Variants in MAP3K7CL observed in about 807,000 individuals in gnomAD.
MAP3K7CL encodes MAP3K7 C-terminal like.
In MAP3K7CL, 16 loss-of-function variants were observed where a neutral mutation model predicts 18.6. That is an observed-to-expected ratio of 0.86 (90% CI 0.58 to 1.31). MAP3K7CL has a LOEUF of 1.31. MAP3K7CL is among the 50% of genes most tolerant of loss of function. The pLI is 0.00. For missense variants in MAP3K7CL, 163 were observed against 174.4 expected, an observed-to-expected ratio of 0.93 and a Z score of 0.37; for synonymous variants, 65 against 66.8, an observed-to-expected ratio of 0.97 and a Z score of 0.13.
intron 2 of MAP3K7CL, among the ~76,000 whole-genome samples, chr21:29,147,689 T>A: frequency 6.6e-6 from 1 of 151,854 alleles, no homozygotes; most frequent in East Asian, 1.9e-4. Context: ...TGTATATGTA[T>A]GTGTATGTGT....
At chr21:29,147,813 G>GT (rs2146681058) in intron 2 of MAP3K7CL, among the ~76,000 whole-genome samples, 1 of 151,032 alleles carries the variant, frequency 6.6e-6, no homozygotes, top group South Asian at 2.1e-4. Flanking sequence ...TATGTGTACT[G>GT]TATAAACCTA....
At chr21:29,097,272 G>A (rs1344652736) in intron 4 of MAP3K7CL, among the ~76,000 whole-genome samples, 1 of 152,102 alleles carries the variant, frequency 6.6e-6, no homozygotes, top group Non-Finnish European at 1.5e-5. Flanking sequence ...CCTAACTGCA[G>A]CATAGATGGT....
chr21:29,090,518 C>T (rs879647201), intron 1 of MAP3K7CL, among the ~76,000 whole-genome samples: 3 of 151,974 alleles, frequency 2.0e-5, no homozygotes, highest in Non-Finnish European at 4.4e-5. Flanking sequence ...GTAGCTGGGA[C>T]TACAGGCACC....
rs1221095999 is a variant in MAP3K7CL, at chr21:29,102,792, TC to T, written c.370+10212del. ...ATGCCTCATGGCTTCTTTCTTATTC[TC>T]TCTTGGATTATGGACTCTGGGGGAA... is the stretch of plus-strand genomic sequence containing the variant. On this transcript the variant is annotated intron_variant, in intron 4 of 6. Transcript: ENST00000286791. Among the ~76,000 whole-genome samples the T allele has an allele frequency of 2.6e-5, 4 of 152,302 alleles. No individual in the cohort carries two copies. The East Asian group carries it at 5.8e-4, about 22-fold the overall frequency.
chr21:29,112,724 T>C (rs186171324), intron 4 of MAP3K7CL, among the ~76,000 whole-genome samples: 1 of 152,302 alleles, frequency 6.6e-6, no homozygotes, highest in African/African-American at 2.4e-5. Flanking sequence ...ATTTCCCTAA[T>C]CCAGATGTCT....
Position 29,130,701 on chromosome 21 carries a change from CGGAAGGGAAGGGAAGG to C in MAP3K7CL, c.-260_-245del. 1.0e-6 allele frequency: 1 copy of C among 985,428 alleles called. No homozygotes were observed. The allele number at this position is 985,428 out of a possible 1,614,324, so 61.0% of individuals were successfully genotyped here. ...AGGAGAGAGGGGTTGTGAAGGGAAG[CGGAAGGGAAGGGAAGG>C]GAGGTCCCGTGGGACGCTGGGGTCT... is the stretch of plus-strand genomic sequence containing the variant. On this transcript the variant is annotated 5_prime_UTR_variant, in exon 1 of 5. Transcript: ENST00000399928.
At chr21:29,160,278 TA>T (rs1474943707) in intron 4 of MAP3K7CL, among the ~76,000 whole-genome samples, 1 of 152,220 alleles carries the variant, frequency 6.6e-6, no homozygotes, top group East Asian at 1.9e-4. Context: ...TAAGACATTT[TA>T]GTTCATGAAA....
At chr21:29,167,679 C>T (rs978828761) in intron 4 of MAP3K7CL, among the ~76,000 whole-genome samples, 16 of 148,198 alleles carry the variant, frequency 1.1e-4, no homozygotes, top group African/African-American at 3.5e-4. Context: ...CCAAGATCAA[C>T]CAGAGAAGGA....
chr21:29,149,305 C>A, intron 3 of MAP3K7CL, 55 bp downstream of exon 3: 5 of 1,520,894 alleles, frequency 3.3e-6, no homozygotes, highest in Admixed American at 3.3e-5. Context: ...TAAAGTATAG[C>A]GAGCTGGGCA....
intron 3 of MAP3K7CL, 27 bp downstream of exon 3, chr21:29,149,277 C>T (rs1325512961): frequency 6.3e-7 from 1 of 1,599,408 alleles, no homozygotes; most frequent in Non-Finnish European, 8.6e-7. Flanking sequence ...AGTCTCTCTT[C>T]TTTCCTCCTT....
chr21:29,080,115 A>G (rs1242562185), intron 1 of MAP3K7CL, among the ~76,000 whole-genome samples: 1 of 152,222 alleles, frequency 6.6e-6, no homozygotes, highest in African/African-American at 2.4e-5. Context: ...TTGAGCCTTT[A>G]TGAATCAACT....
At chr21:29,174,540 A>G (rs983219299) in intron 4 of MAP3K7CL, among the ~76,000 whole-genome samples, 172 bp from the exon 5 acceptor site, 3 of 152,212 alleles carry the variant, frequency 2.0e-5, no homozygotes, top group African/African-American at 7.2e-5. Flanking sequence ...GAATAAAGGG[A>G]TATAAAATTT....
intron 4 of MAP3K7CL, among the ~76,000 whole-genome samples, chr21:29,116,824 T>C (rs2086512183): frequency 6.6e-6 from 1 of 152,166 alleles, no homozygotes; most frequent in African/African-American, 2.4e-5. Context: ...GAATCAGCTA[T>C]AGTTAGTCCA....
chr21:29,158,917 C>CTTTTTTTTT (rs36003464), intron 3 of MAP3K7CL, among the ~76,000 whole-genome samples: 1 of 100,438 alleles, frequency 1.0e-5, no homozygotes, highest in Non-Finnish European at 1.9e-5. Context: ...AAAAGTAGTA[C>CTTTTTTTTT]TTTTTTTTTT....
At chr21:29,097,871 T>C (rs1470825266) in intron 4 of MAP3K7CL, among the ~76,000 whole-genome samples, 4 of 152,114 alleles carry the variant, frequency 2.6e-5, no homozygotes, top group Admixed American at 1.3e-4. Context: ...ACAGTTAAGG[T>C]TGGACAACAT....
intron 2 of MAP3K7CL, among the ~76,000 whole-genome samples, chr21:29,136,229 A>G (rs1435779500): frequency 6.6e-6 from 1 of 152,196 alleles, no homozygotes; most frequent in Admixed American, 6.5e-5. Flanking sequence ...TATTTGGGAC[A>G]CTCCCTTTAA....
upstream of MAP3K7CL, among the ~76,000 whole-genome samples, chr21:29,081,774 T>C (rs922140517): frequency 6.6e-6 from 1 of 152,242 alleles, no homozygotes; most frequent in Non-Finnish European, 1.5e-5. Context: ...CATTGTTTTA[T>C]GCAAGAAGCA....
chr21:29,123,064 T>A (rs942069243), intron 4 of MAP3K7CL, among the ~76,000 whole-genome samples: 5 of 144,996 alleles, frequency 3.4e-5, no homozygotes, highest in Non-Finnish European at 6.0e-5. Context: ...TCTTTTTTTT[T>A]TTTTTTTTTT....
rs947136128 is a variant in MAP3K7CL, at chr21:29,133,523, C to A, written c.70+109C>A. ...ATTTAAAGTTGCATGCTTGCATGAC[C>A]TGATGATGGGGAATGTGATATTTCA... is the stretch of plus-strand genomic sequence containing the variant. On this transcript the variant is annotated intron_variant, in intron 2 of 4. Coordinates refer to ENST00000399928, the MANE Select transcript of MAP3K7CL (RefSeq NM_001286620.2). 5 of 675,538 alleles carry A rather than the reference C, an allele frequency of 7.4e-6. No homozygotes were observed. The Admixed American group carries it at 1.0e-4, about 13-fold the overall frequency. The allele number at this position is 675,538 out of a possible 1,614,324, so 41.8% of individuals were successfully genotyped here. A position where few individuals can be genotyped will look rare whatever the true frequency, so the allele number is the denominator to read the frequency against.
Sources: gnomAD v4.1 joint callset for allele counts (sites outside exome capture counted in the v4.1 genomes callset) on GRCh38, gnomAD v4.1.1 for gene constraint, MANE v1.5 for transcripts, NCBI Gene and HGNC (gene_info 2026-07-23, HGNC 2026-07-21) for gene names.